Variants in SLC22A2 observed in about 807,000 individuals in gnomAD.
The protein encoded by SLC22A2 is organic cation transporter 2.
In SLC22A2, 46 loss-of-function variants were observed where a neutral mutation model predicts 60.5. That is an observed-to-expected ratio of 0.76 (90% CI 0.60 to 0.97). The LOEUF is 0.97. SLC22A2 is among the 50% of genes least tolerant of loss of function. SLC22A2 has a pLI of 0.00. For missense variants in SLC22A2, 701 were observed against 706.6 expected (o/e 0.99, Z 0.09); for synonymous variants, 303 against 267.0 (o/e 1.13, Z -1.31).
rs1782919210 is a variant in SLC22A2, at chr6:160,236,805, G to T, written c.1501+4669C>A. On this transcript the variant is annotated intron_variant, in intron 9 of 10. Transcript: ENST00000366953. ...GAGTTACCTAGGGACCTCAAGAGGA[G>T]AGGCATTTACTCAACTTATTGGTAT... Among the ~76,000 whole-genome samples the T allele has an allele frequency of 3.3e-5, 5 of 150,442 alleles. No individual in the cohort carries two copies. In the Admixed American group the frequency reaches 3.3e-4, roughly 10 times the overall value.
chr6:160,245,493 T>A lies in SLC22A2; in HGVS notation c.1010A>T (p.Asp337Val). 6.2e-7 allele frequency: 1 copy of A among 1,611,070 alleles called. No homozygotes were observed. Among genetic ancestry groups the A allele is most frequent in the South Asian group, 1.1e-5 (1 of 90,288 alleles). Residue 337 changes from aspartate (D) to valine (V), a missense_variant, in exon 6 of 11, where the codon GAC becomes GTC. Coordinates refer to ENST00000366953, the MANE Select transcript of SLC22A2 (RefSeq NM_003058.4). ...CCTTATCTGAGGAGTTCTGACCAAG[T>A]CAAGAAATGAAGGGTTCAATTTCTT... ...TGKKLNPSFL[D>V]LVRTPQIRKH...
chr6:160,243,548 A>C (rs1382005097), intron 7 of SLC22A2, 24 bp downstream of exon 7: 1 of 1,518,364 alleles, frequency 6.6e-7, no homozygotes, highest in South Asian at 1.1e-5. Context: ...TGGAGATAAG[A>C]CTCCAACTTC....
At chr6:160,245,692 TC>T in intron 5 of SLC22A2, 147 bp from the exon 6 acceptor site, 25 of 333,414 alleles carry the variant, frequency 7.5e-5, no homozygotes, top group East Asian at 2.3e-4. Flanking sequence ...GTGTCCCATT[TC>T]ATTTTTTTTT....
chr6:160,237,795 C>A (rs1698868586), intron 9 of SLC22A2, among the ~76,000 whole-genome samples: 1 of 152,124 alleles, frequency 6.6e-6, no homozygotes, highest in African/African-American at 2.4e-5. Context: ...GAAGTTGGCA[C>A]AAGATACAGG....
At chr6:160,248,816 T>C (rs1783137202) in intron 4 of SLC22A2, among the ~76,000 whole-genome samples, 1 of 152,160 alleles carries the variant, frequency 6.6e-6, no homozygotes, top group Admixed American at 6.5e-5. Flanking sequence ...TATTGGGAAA[T>C]GGTGACACAA....
At chr6:160,229,491 G>A (rs1368931833) in intron 9 of SLC22A2, among the ~76,000 whole-genome samples, 1 of 151,814 alleles carries the variant, frequency 6.6e-6, no homozygotes, top group Non-Finnish European at 1.5e-5. Flanking sequence ...ATTCCTTGGT[G>A]GCAAGTGAAT....
At chr6:160,231,176 C>T (rs1782818097) in intron 9 of SLC22A2, among the ~76,000 whole-genome samples, 1 of 151,914 alleles carries the variant, frequency 6.6e-6, no homozygotes, top group Non-Finnish European at 1.5e-5. Context: ...TTAAAATTCC[C>T]CCACTCTGGT....
At chr6:160,248,389 G>A (rs769620114) in intron 4 of SLC22A2, among the ~76,000 whole-genome samples, 7 of 152,276 alleles carry the variant, frequency 4.6e-5, no homozygotes, top group East Asian at 3.9e-4. Flanking sequence ...TTAAGTACCC[G>A]GTCCATGGCA....
At chr6:160,221,101 G>A (rs181361381) in intron 10 of SLC22A2, among the ~76,000 whole-genome samples, 1 of 152,330 alleles carries the variant, frequency 6.6e-6, no homozygotes, top group Admixed American at 6.5e-5. Flanking sequence ...ATAGAAGGCT[G>A]TTGTGTCTAT....
chr6:160,241,941 A>G (rs370283580), intron 8 of SLC22A2, among the ~76,000 whole-genome samples: 1 of 71,828 alleles, frequency 1.4e-5, no homozygotes, highest in Non-Finnish European at 3.7e-5. Flanking sequence ...TATAAACCTT[A>G]AATTTTTTTT....
At position 160,232,327 on chromosome 6, in the gene SLC22A2, G is replaced by A. The variant is rs144197534; in HGVS notation, c.1502-7523C>T. 7.0e-3 allele frequency among the ~76,000 whole-genome samples: 1,065 copies of A among 151,696 alleles called. 28 individuals are homozygous for A. The highest frequency in any genetic ancestry group is 0.024 in the African/African-American group (973 of 41,156). Reference sequence around the variant, plus strand: ...AATGGCAGTTCCACCAGGCTTAATCGCCACACACCAGCAAAGGCAGGCTAT... The same window carrying A: ...AATGGCAGTTCCACCAGGCTTAATCACCACACACCAGCAAAGGCAGGCTAT... On this transcript the variant is annotated intron_variant, in intron 9 of 10. Transcript: ENST00000366953.
At chr6:160,233,431 T>C (rs1305004863) in intron 9 of SLC22A2, among the ~76,000 whole-genome samples, 5 of 151,692 alleles carry the variant, frequency 3.3e-5, no homozygotes, top group Admixed American at 6.5e-5. Flanking sequence ...TCAGGAAAGG[T>C]AAAATGGACT....
At position 160,241,114 on chromosome 6, in the gene SLC22A2, G is replaced by A. The variant is rs536812751; in HGVS notation, c.1501+360C>T. ...GTTAACTCTTTGACAGAGACCTCAG[G>A]AAGGGTGGAAATCAGCAGAGAGAGA... On this transcript the variant is annotated intron_variant, in intron 9 of 10. Transcript: ENST00000366953. Among the ~76,000 whole-genome samples, 7 of 152,258 alleles carry A rather than the reference G, an allele frequency of 4.6e-5. No homozygotes were observed. In the East Asian group the frequency reaches 1.4e-3, roughly 30 times the overall value.
At chr6:160,256,808 C>T in intron 1 of SLC22A2, 91 bp from the exon 2 acceptor site, 2 of 827,022 alleles carry the variant, frequency 2.4e-6, no homozygotes, top group Admixed American at 1.8e-5. Context: ...CTAGGGTACT[C>T]ATTAAATATT....
Position 160,247,277 on chromosome 6 carries a change from C to A in SLC22A2, c.864G>T (p.Arg288Ser). Residue 288 changes from arginine (R) to serine (S), a missense_variant, in exon 5 of 11, where the codon AGG (arginine) becomes AGT (serine). Coordinates refer to ENST00000366953, the MANE Select transcript of SLC22A2 (RefSeq NM_003058.4). ...CATTCTTATTCTGGGAGATCAGCCACCTGGGAGACTCAGGTATGCACCTAG... is the reference window on the plus strand; with the variant it reads ...CATTCTTATTCTGGGAGATCAGCCAACTGGGAGACTCAGGTATGCACCTAG... ...LYYWCIPESPRWLISQNKNAE... is the reference protein window; with the variant it reads ...LYYWCIPESPSWLISQNKNAE... 6.2e-7 allele frequency: 1 copy of A among 1,610,372 alleles called. No homozygotes were observed.
chr6:160,226,137 G>A (rs1782717910), intron 9 of SLC22A2, among the ~76,000 whole-genome samples: 1 of 152,156 alleles, frequency 6.6e-6, no homozygotes, highest in Non-Finnish European at 1.5e-5. Flanking sequence ...TGGATCAGCT[G>A]ACACCACCCA....
rs1783274038 is a variant in SLC22A2 at position 160,256,525 on chromosome 6, A to T, written c.518+89T>A. The T allele has an allele frequency of 3.6e-6, 3 of 834,094 alleles. No individual in the cohort carries two copies. The African/African-American group carries it at 5.0e-5, about 14-fold the overall frequency. 51.7% of individuals were successfully genotyped at this position (834,094 alleles called of 1,614,324 possible). On this transcript the variant is annotated intron_variant, in intron 2 of 10. Coordinates refer to ENST00000366953, the MANE Select transcript of SLC22A2 (RefSeq NM_003058.4). ...AGATTGTGGTCTGTGTGCTTGGGAA[A>T]GGATGGGATTCAAGCAGGGGCAGGT...
intron 10 of SLC22A2, among the ~76,000 whole-genome samples, chr6:160,219,438 C>T (rs1782609583): frequency 6.6e-6 from 1 of 150,424 alleles, no homozygotes; most frequent in South Asian, 2.1e-4. Flanking sequence ...AAATACCAAG[C>T]ACTGCGACGG....
intron 9 of SLC22A2, among the ~76,000 whole-genome samples, chr6:160,231,819 G>A (rs538275772): frequency 6.6e-6 from 1 of 151,864 alleles, no homozygotes; most frequent in East Asian, 1.9e-4. Context: ...CCTAAAAGCT[G>A]CTCCTATGCT....
Sources: allele counts gnomAD v4.1 joint callset (sites outside exome capture counted in the v4.1 genomes callset), GRCh38; gene constraint gnomAD v4.1.1; transcripts MANE v1.5; gene names NCBI Gene and HGNC (gene_info 2026-07-23, HGNC 2026-07-21).